Variants in NDC1 observed in about 807,000 individuals in gnomAD.
NDC1 encodes NDC1 transmembrane nucleoporin.
Under a neutral mutation model 89.8 loss-of-function variants are expected in NDC1, and 24 were observed. That is an observed-to-expected ratio of 0.27 (90% confidence interval 0.19 to 0.38). The LOEUF (loss-of-function observed/expected upper bound fraction) is 0.38, where lower values mean the gene tolerates loss of function less well. Ranked by LOEUF, NDC1 falls within the 10% of genes least tolerant of loss-of-function variation. The pLI is 1.00. For missense variants in NDC1, 728 were observed against 797.6 expected, an observed-to-expected ratio of 0.91 and a Z score of 1.05; for synonymous variants, 296 against 284.8, an observed-to-expected ratio of 1.04 and a Z score of -0.39.
In NDC1 at chr1:53,803,960, C is replaced by T. The variant is rs373565166; in HGVS notation, c.1034G>A (p.Arg345Gln). ...GCTGAGGCTGAAAACTTCTTGTCTT[C>T]GTGAAGGAGAATATTGAGAAAGCAA... The part of the protein sequence containing the change: ...LMLLSQYSPS[R>Q]RQEVFSLSQP... Residue 345 changes from arginine (R) to glutamine (Q), a missense_variant, in exon 10 of 18, where the codon CGA becomes CAA. Arg to Gln is a conservative substitution (Grantham distance 43). Coordinates refer to ENST00000371429, the MANE Select transcript of NDC1 (RefSeq NM_018087.5). The T allele has an allele frequency of 1.6e-5, 26 of 1,613,816 alleles. No homozygotes were observed. Among genetic ancestry groups the T allele is most frequent in the Admixed American group, 3.3e-5 (2 of 59,988 alleles).
intron 11 of NDC1, among the ~76,000 whole-genome samples, chr1:53,798,359 AG>A (rs1245032135): frequency 6.6e-6 from 1 of 150,950 alleles, no homozygotes; most frequent in Non-Finnish European, 1.5e-5. Flanking sequence ...TAGTAGAGAC[AG>A]GGTTTCACCA....
intron 10 of NDC1, among the ~76,000 whole-genome samples, chr1:53,802,336 C>T (rs1002441731): frequency 6.6e-6 from 1 of 151,868 alleles, no homozygotes; most frequent in African/African-American, 2.4e-5. Context: ...TGGTAATTGG[C>T]AAGCTTGGCA....
chr1:53,794,376 T>G (rs1647624636), intron 13 of NDC1, among the ~76,000 whole-genome samples: 1 of 152,184 alleles, frequency 6.6e-6, no homozygotes, highest in Non-Finnish European at 1.5e-5. Context: ...GCTCCTACCA[T>G]ACTCTCACCC....
At chr1:53,798,694 A>G (rs1295606457) in intron 11 of NDC1, among the ~76,000 whole-genome samples, 3 of 152,040 alleles carry the variant, frequency 2.0e-5, no homozygotes, top group South Asian at 2.1e-4. Flanking sequence ...TGCTGGGACT[A>G]TAAGTGTGCA....
At chr1:53,788,413 T>C (rs1444594055) in intron 15 of NDC1, among the ~76,000 whole-genome samples, 1 of 151,124 alleles carries the variant, frequency 6.6e-6, no homozygotes, top group Non-Finnish European at 1.5e-5. Flanking sequence ...CTAGATAACC[T>C]CGTCCCTACA....
At chr1:53,771,528 C>T (rs1275236241) in intron 17 of NDC1, among the ~76,000 whole-genome samples, 1 of 152,032 alleles carries the variant, frequency 6.6e-6, no homozygotes, top group Non-Finnish European at 1.5e-5. Context: ...AGATGTTATA[C>T]TTCTGTTGTC....
At chr1:53,817,893 T>C (rs1420260767) in intron 6 of NDC1, among the ~76,000 whole-genome samples, 2 of 152,212 alleles carry the variant, frequency 1.3e-5, no homozygotes, top group Non-Finnish European at 2.9e-5. Context: ...ACAAGATTAA[T>C]GTTTTCACCT....
In NDC1 at chr1:53,796,972, T is replaced by C. The variant is rs564940615; in HGVS notation, c.1395A>G (p.Val465=). 3.6e-5 allele frequency: 58 copies of C among 1,614,198 alleles called. No individual in the cohort carries two copies. In the East Asian group the frequency reaches 6.9e-4, roughly 19 times the overall value. Residue 465 remains valine (V), a synonymous_variant, in exon 12 of 18, where the codon GTA becomes GTG. Coordinates refer to ENST00000371429, the MANE Select transcript of NDC1 (RefSeq NM_018087.5). ...TTTGCGGTGACCCATAGCAGGTGTTTACATCAAAAATTCCAGCCATCCGAT... is the reference window on the plus strand; with the variant it reads ...TTTGCGGTGACCCATAGCAGGTGTTCACATCAAAAATTCCAGCCATCCGAT... ...VMNRMAGIFD[V]NTCYGSPQSP... is the part of the protein sequence containing the mutation.
chr1:53,787,180 T>G lies in NDC1; in HGVS notation c.1778A>C (p.Asn593Thr). 6.2e-7 allele frequency: 1 copy of G among 1,608,454 alleles called. No individual in the cohort carries two copies. The highest frequency in any genetic ancestry group is 8.5e-7 in the Non-Finnish European group (1 of 1,176,686). ...VVQTTLPAIL[N>T]TLLTLQEAVD... is the part of the protein sequence containing the mutation. ...TACCTCTTGCAGTGTCAACAAAGTA[T>G]TAAGGATAGCTGGTAGTGTCGTCTG... Residue 593 changes from asparagine to threonine, a missense_variant, in exon 16 of 18, where the codon AAT (asparagine) becomes ACT (threonine). Physicochemically the swap from Asn to Thr is moderately conservative, Grantham distance 65. Transcript: ENST00000371429.
intron 11 of NDC1, among the ~76,000 whole-genome samples, chr1:53,797,519 T>C (rs1245140255): frequency 6.6e-6 from 1 of 152,252 alleles, no homozygotes; most frequent in African/African-American, 2.4e-5. Flanking sequence ...TGCATTACTA[T>C]TTTAAGTATT....
intron 16 of NDC1, among the ~76,000 whole-genome samples, chr1:53,776,248 C>T (rs911992452): frequency 7.2e-5 from 11 of 152,038 alleles, no homozygotes; most frequent in South Asian, 4.1e-4. Flanking sequence ...TGAGCTACCG[C>T]GCCCGGTCCT....
chr1:53,805,841 G>A (rs373243437), intron 9 of NDC1, among the ~76,000 whole-genome samples: 7 of 152,296 alleles, frequency 4.6e-5, no homozygotes, highest in East Asian at 3.9e-4. Context: ...TTGGGAGGCC[G>A]AGGCGGGTGG....
intron 14 of NDC1, among the ~76,000 whole-genome samples, chr1:53,792,163 T>C (rs146722194): frequency 0.012 from 1,817 of 152,134 alleles, 31 homozygotes; most frequent in African/African-American, 0.032. Context: ...AGGATGGTCT[T>C]GATCTCCTGA....
At chr1:53,794,242 C>T (rs1455823053) in intron 13 of NDC1, among the ~76,000 whole-genome samples, 1 of 152,144 alleles carries the variant, frequency 6.6e-6, no homozygotes, top group East Asian at 1.9e-4. Flanking sequence ...TCCCAAAGTG[C>T]TGAGATTACA....
chr1:53,788,320 G>T (rs1647372561), intron 15 of NDC1, among the ~76,000 whole-genome samples: 1 of 151,990 alleles, frequency 6.6e-6, no homozygotes, highest in Non-Finnish European at 1.5e-5. Context: ...AAAAGACTAA[G>T]TGTGGTGGCT....
rs1419385982 is a variant in NDC1 at position 53,772,450 on chromosome 1, T to C, written c.1840A>G (p.Lys614Glu). 4 of 1,613,490 alleles carry C rather than the reference T, an allele frequency of 2.5e-6. No homozygotes were observed. Among genetic ancestry groups the C allele is most frequent in the Non-Finnish European group, 3.4e-6 (4 of 1,179,644 alleles). Residue 614 changes from lysine (K) to glutamate (E), a missense_variant, in exon 17 of 18, where the codon AAA (lysine) becomes GAA (glutamate). Coordinates refer to ENST00000371429, the MANE Select transcript of NDC1 (RefSeq NM_018087.5). ...KYFKLPHASS[K>E]PPRISGSLVD... ...AGGCTTCCTGAAATCCGGGGTGGTT[T>C]ACTGGAAGCATGAGGAAGCTTAAAG...
chr1:53,812,891 A>T (rs1356543251), intron 6 of NDC1, among the ~76,000 whole-genome samples: 1 of 152,160 alleles, frequency 6.6e-6, no homozygotes, highest in African/African-American at 2.4e-5. Context: ...AAAACCTATC[A>T]GATTAACAGC....
In NDC1 at chr1:53,802,169, A is replaced by G. The variant is rs184245873; in HGVS notation, c.1067-1321T>C. On this transcript the variant is annotated intron_variant, in intron 10 of 17. Transcript: ENST00000371429. ...ATTCCTATGTTAACTCAAATCTGAT[A>G]GAAAAGCATTGTTATAGTTAATTTT... Among the ~76,000 whole-genome samples, 519 of 152,364 alleles carry G rather than the reference A, an allele frequency of 3.4e-3. 4 individuals are homozygous for G. The highest frequency in any genetic ancestry group is 0.012 in the African/African-American group (492 of 41,588).
In NDC1 at chr1:53,832,218, C is replaced by T. The variant is rs138383249; in HGVS notation, c.280+272G>A. Among the ~76,000 whole-genome samples, 46 of 152,216 alleles carry T rather than the reference C, an allele frequency of 3.0e-4. 1 individual carries two copies. The highest frequency in any genetic ancestry group is 1.1e-3 in the African/African-American group (45 of 41,520). On this transcript the variant is annotated intron_variant, in intron 3 of 17. Transcript: ENST00000371429. ...TCCCCCTCCCCCAGCGCCTGGTAACCAGCATTCTACTTTCTTTCTCTATGA... is the reference window on the plus strand; with the variant it reads ...TCCCCCTCCCCCAGCGCCTGGTAACTAGCATTCTACTTTCTTTCTCTATGA...
Sources: allele counts gnomAD v4.1 joint callset (sites outside exome capture counted in the v4.1 genomes callset), GRCh38; gene constraint gnomAD v4.1.1; transcripts MANE v1.5; gene names NCBI Gene and HGNC (gene_info 2026-07-23, HGNC 2026-07-21).